DEUP1: variants seen among roughly 807,000 people sequenced by gnomAD.
The protein encoded by DEUP1 is deuterosome assembly protein 1.
In DEUP1, 82 loss-of-function variants were observed where a neutral mutation model predicts 87.4. The observed-to-expected ratio is 0.94, with a 90% CI of 0.78 to 1.13. The LOEUF (loss-of-function observed/expected upper bound fraction) is 1.13, where lower values mean the gene tolerates loss of function less well. Ranked by LOEUF, DEUP1 falls within the 50% of genes most tolerant of loss-of-function variation. The pLI, the probability that DEUP1 is intolerant of heterozygous loss-of-function variation, is 0.00. For missense variants in DEUP1, 663 were observed against 681.5 expected (o/e 0.97, Z 0.30); for synonymous variants, 214 against 222.7 (o/e 0.96, Z 0.35).
At chr11:93,362,013 A>G (rs1301661364) in intron 4 of DEUP1, among the ~76,000 whole-genome samples, 2 of 152,080 alleles carry the variant, frequency 1.3e-5, no homozygotes, top group South Asian at 2.1e-4. Flanking sequence ...GGATATCCAC[A>G]TGCAAAGGAA....
chr11:93,408,525 C>G (rs1947347663), intron 12 of DEUP1, 98 bp downstream of exon 12: 1 of 783,104 alleles, frequency 1.3e-6, no homozygotes, highest in South Asian at 2.2e-5. Flanking sequence ...GCTTTCTCTT[C>G]TGTGGTTTAA....
intron 2 of DEUP1, among the ~76,000 whole-genome samples, chr11:93,345,568 G>A (rs1471846554): frequency 6.6e-6 from 1 of 152,134 alleles, no homozygotes; most frequent in African/African-American, 2.4e-5. Context: ...GGTGTGAGAT[G>A]GCATCTCATT....
At chr11:93,407,463 T>C (rs2658763) in intron 11 of DEUP1, among the ~76,000 whole-genome samples, 151,113 of 152,212 alleles carry the variant, frequency 0.99, 75,017 homozygotes, top group East Asian at 1. Flanking sequence ...TTAAACAACA[T>C]ATGACTGTAT....
intron 10 of DEUP1, 59 bp from the exon 11 acceptor site, chr11:93,396,180 A>T: frequency 9.4e-7 from 1 of 1,062,752 alleles, no homozygotes; most frequent in Non-Finnish European, 1.4e-6. Context: ...ACAAAATTTT[A>T]ATAGAATTAT....
chr11:93,357,123 T>G (rs1944933655), intron 4 of DEUP1, 80 bp downstream of exon 4: 1 of 827,600 alleles, frequency 1.2e-6, no homozygotes, highest in African/African-American at 1.7e-5. Context: ...AACTTTAAAC[T>G]GTTTTCAGTA....
At chr11:93,407,356 G>T (rs1275858068) in intron 11 of DEUP1, among the ~76,000 whole-genome samples, 1 of 152,156 alleles carries the variant, frequency 6.6e-6, no homozygotes, top group Non-Finnish European at 1.5e-5. Flanking sequence ...CAGCCTACGT[G>T]TGTAGTAGGC....
At chr11:93,415,841 T>C (rs570855414) in intron 13 of DEUP1, among the ~76,000 whole-genome samples, 48 of 152,250 alleles carry the variant, frequency 3.2e-4, no homozygotes, top group Non-Finnish European at 6.0e-4. Context: ...TATACTAATC[T>C]ATGGGATATA....
At chr11:93,370,439 A>G (rs1381571321) in intron 6 of DEUP1, among the ~76,000 whole-genome samples, 1 of 152,250 alleles carries the variant, frequency 6.6e-6, no homozygotes, top group Admixed American at 6.5e-5. Context: ...TTGCATGCCT[A>G]CAGGCAAGGC....
At chr11:93,356,875 C>A in intron 3 of DEUP1, 73 bp from the exon 4 acceptor site, 2 of 892,352 alleles carry the variant, frequency 2.2e-6, no homozygotes, top group Non-Finnish European at 3.6e-6. Flanking sequence ...AATTGTTCTT[C>A]TCTTTTGCAC....
chr11:93,399,465 GTTTTTCA>G (rs1947049313), intron 11 of DEUP1, among the ~76,000 whole-genome samples: 1 of 151,108 alleles, frequency 6.6e-6, no homozygotes, highest in Non-Finnish European at 1.5e-5. Context: ...CATATTTTAT[GTTTTTCA>G]AAAAGATCTT....
intron 13 of DEUP1, among the ~76,000 whole-genome samples, chr11:93,417,888 C>A (rs1256095760): frequency 6.6e-6 from 1 of 152,068 alleles, no homozygotes; most frequent in East Asian, 1.9e-4. Flanking sequence ...ATATCTACAA[C>A]TATCTGATCT....
At chr11:93,433,819 C>A (rs942959804) in intron 13 of DEUP1, among the ~76,000 whole-genome samples, 1 of 152,196 alleles carries the variant, frequency 6.6e-6, no homozygotes, top group African/African-American at 2.4e-5. Flanking sequence ...ACTAGTATAG[C>A]CTGGTGTCCC....
chr11:93,409,554 T>TTGATA (rs1418911089), intron 12 of DEUP1, among the ~76,000 whole-genome samples: 3 of 152,166 alleles, frequency 2.0e-5, no homozygotes, highest in Admixed American at 2.0e-4. Context: ...CCAGACATAT[T>TTGATA]TGATATCAAT....
intron 9 of DEUP1, among the ~76,000 whole-genome samples, chr11:93,393,087 C>CT (rs1228305437): frequency 0.37 from 35,104 of 94,466 alleles, 8,161 homozygotes; most frequent in Middle Eastern, 0.44. Context: ...CTTCCTCCTT[C>CT]TTTTTTTTTT....
At position 93,356,971 on chromosome 11, in the gene DEUP1, G is replaced by C; in HGVS notation, c.225G>C (p.Leu75Phe). The C allele has an allele frequency of 6.2e-7, 1 of 1,601,754 alleles. No homozygotes were observed. The highest frequency in any genetic ancestry group is 2.2e-5 in the East Asian group (1 of 44,544). ...GQEVGLLRQK[L>F]DSLEKCNLAM... ...AGGTAGGGTTACTTCGACAGAAATT[G>C]GACAGTCTGGAAAAATGTAATTTAG... The change falls in exon 4 of 14, where the codon TTG becomes TTC. Residue 75 changes from leucine to phenylalanine, a missense_variant. Transcript: ENST00000298050.
chr11:93,340,263 G>A (rs1239522866), intron 2 of DEUP1, among the ~76,000 whole-genome samples: 1 of 152,216 alleles, frequency 6.6e-6, no homozygotes, highest in Non-Finnish European at 1.5e-5. Context: ...TAAAAAAAGT[G>A]AGAGATGTAG....
At chr11:93,415,541 T>C (rs1006969506) in intron 13 of DEUP1, among the ~76,000 whole-genome samples, 1 of 151,956 alleles carries the variant, frequency 6.6e-6, no homozygotes, top group African/African-American at 2.4e-5. Flanking sequence ...GACAGCTTGA[T>C]GAGTTATCAC....
At chr11:93,336,085 C>T (rs1419424919) in intron 2 of DEUP1, among the ~76,000 whole-genome samples, 1 of 152,118 alleles carries the variant, frequency 6.6e-6, no homozygotes, top group Non-Finnish European at 1.5e-5. Flanking sequence ...TCCACTCCAG[C>T]CTGGGCAACA....
At chr11:93,405,835 G>A (rs2134407562) in intron 11 of DEUP1, among the ~76,000 whole-genome samples, 1 of 152,008 alleles carries the variant, frequency 6.6e-6, no homozygotes, top group South Asian at 2.1e-4. Context: ...GTTCTAAGCT[G>A]TAATCATTCA....
Sources: allele counts gnomAD v4.1 joint callset (sites outside exome capture counted in the v4.1 genomes callset), GRCh38; gene constraint gnomAD v4.1.1; transcripts MANE v1.5; gene names NCBI Gene and HGNC (gene_info 2026-07-23, HGNC 2026-07-21).